GJC1: variants seen among roughly 807,000 people sequenced by gnomAD.
GJC1 encodes the protein gap junction gamma-1 protein.
GJC1 carries 5 observed loss-of-function variants against 29.3 expected under a neutral mutation model. That is an observed-to-expected ratio of 0.17 (90% CI 0.09 to 0.36). The LOEUF (loss-of-function observed/expected upper bound fraction) is 0.36. Among genes scored for constraint, GJC1 ranks in the 10% least tolerant of loss-of-function variants. The pLI is 1.00. For missense variants in GJC1, 310 were observed against 496.2 expected, an observed-to-expected ratio of 0.62 and a Z score of 3.56; for synonymous variants, 177 against 183.3, an observed-to-expected ratio of 0.97 and a Z score of 0.28.
chr17:44,809,138 G>A (rs2049945251), intron 1 of GJC1, among the ~76,000 whole-genome samples: 1 of 152,144 alleles, frequency 6.6e-6, no homozygotes, highest in African/African-American at 2.4e-5. Flanking sequence ...GCTCACACCT[G>A]TAATCTCAGC....
rs746499120 is a variant in GJC1 at position 44,805,615 on chromosome 17, A to C, written c.203T>G (p.Phe68Cys). Residue 68 changes from phenylalanine (F) to cysteine (C), a missense_variant, in exon 3 of 3, where the codon TTT becomes TGT. Physicochemically the swap from Phe to Cys is radical, Grantham distance 205. Around this residue, in one of 4 missense-constraint regions of GJC1, gnomAD observed 37 missense variants for 104.2 expected, o/e 0.35. Transcript: ENST00000592524. This position sits in a 1 kb window ranked among gnomAD's most constrained non-coding sequence, Gnocchi z 5.1. ...GAAGCGTACATGGGAGAGAGGTGCAAACGCATCATAACAGACATTCTCACA... is the reference window on the plus strand; with the variant it reads ...GAAGCGTACATGGGAGAGAGGTGCACACGCATCATAACAGACATTCTCACA... ...PGCENVCYDA[F>C]APLSHVRFWV... The C allele has an allele frequency of 6.2e-7, 1 of 1,614,200 alleles. No individual in the cohort carries two copies.
chr17:44,830,131 T>A lies in GJC1; in HGVS notation c.-166A>T, dbSNP rs951313827. On this transcript the variant is annotated 5_prime_UTR_variant, in exon 1 of 3. An upstream start codon of the reference 5' UTR is lost. Coordinates refer to ENST00000592524, the MANE Select transcript of GJC1 (RefSeq NM_005497.4). The surrounding 1 kb of genome is among the most constrained non-coding windows in gnomAD (Gnocchi z 4.3). ...GCCCGTCCCGCCGGTCGCGGCCTCA[T>A]GTGCCCCGCGTCGCCATCGCCTTCA... is the stretch of plus-strand genomic sequence containing the variant. 1 of 153,234 alleles carries A rather than the reference T, an allele frequency of 6.5e-6. No individual in the cohort carries two copies. The highest frequency in any genetic ancestry group is 6.6e-5 in the Admixed American group (1 of 15,262). The allele number at this position is 153,234 out of a possible 1,614,324, so 9.5% of individuals were successfully genotyped here. A position where few individuals can be genotyped will look rare whatever the true frequency, so the allele number is the denominator to read the frequency against.
intron 1 of GJC1, among the ~76,000 whole-genome samples, chr17:44,828,095 G>C (rs2050195386): frequency 6.6e-6 from 1 of 152,196 alleles, no homozygotes; most frequent in South Asian, 2.1e-4. Flanking sequence ...CTGGGGGGAA[G>C]TGGACTAATC....
chr17:44,823,637 A>T (rs185803262), intron 1 of GJC1, among the ~76,000 whole-genome samples: 1 of 151,612 alleles, frequency 6.6e-6, no homozygotes, highest in African/African-American at 2.4e-5. Context: ...TCCTGGACTC[A>T]AGCAATCCTC....
At chr17:44,811,773 A>G (rs911465837) in intron 1 of GJC1, among the ~76,000 whole-genome samples, 6 of 151,356 alleles carry the variant, frequency 4.0e-5, no homozygotes, top group Non-Finnish European at 8.8e-5. Context: ...GGAGGCTGAG[A>G]CAAGTGGATC....
downstream of GJC1, among the ~76,000 whole-genome samples, chr17:44,797,957 G>A (rs534171805): frequency 9.9e-5 from 15 of 152,210 alleles, no homozygotes; most frequent in Non-Finnish European, 1.5e-4. Flanking sequence ...GGGCATTGCT[G>A]CTCCCTTCTC....
intron 1 of GJC1, among the ~76,000 whole-genome samples, chr17:44,826,961 G>A (rs772219853): frequency 3.9e-5 from 6 of 152,112 alleles, no homozygotes; most frequent in Admixed American, 2.6e-4. Context: ...TCAGGTTAAC[G>A]ATATCAGCCA....
chr17:44,812,001 A>AAAAAAAC (rs1280943663), intron 1 of GJC1, among the ~76,000 whole-genome samples: 3 of 150,576 alleles, frequency 2.0e-5, no homozygotes, highest in South Asian at 2.1e-4. Flanking sequence ...ACTCTAAAAA[A>AAAAAAAC]AAAAAACAAA....
At chr17:44,825,188 CAAAAAA>C (rs1162077867) in intron 1 of GJC1, among the ~76,000 whole-genome samples, 16 of 45,986 alleles carry the variant, frequency 3.5e-4, no homozygotes, top group African/African-American at 1.4e-3. Flanking sequence ...GTCTCAATTA[CAAAAAA>C]AAAAAAAAAA....
Position 44,802,099 on chromosome 17 carries a change from T to C in GJC1, c.*2528A>G, listed in dbSNP as rs1171389829. 6.6e-6 allele frequency: 1 copy of C among 152,174 alleles called. No individual in the cohort carries two copies. The highest frequency in any genetic ancestry group is 1.9e-4 in the East Asian group (1 of 5,202). 9.4% of individuals were successfully genotyped at this position (152,174 alleles called of 1,614,324 possible). On this transcript the variant is annotated 3_prime_UTR_variant, in exon 3 of 3. Coordinates refer to ENST00000592524, the MANE Select transcript of GJC1 (RefSeq NM_005497.4). ...CATGTGGGGAGGTGACAGAATATCT[T>C]TATATGTACTTTAAGAAGCTGACGC...
At chr17:44,822,721 A>C (rs1219733160) in intron 1 of GJC1, among the ~76,000 whole-genome samples, 1 of 151,680 alleles carries the variant, frequency 6.6e-6, no homozygotes. Context: ...GAGTACACTG[A>C]AGAAAGTCTA....
chr17:44,795,423 G>A (rs946117967), downstream of GJC1, among the ~76,000 whole-genome samples: 1 of 152,104 alleles, frequency 6.6e-6, no homozygotes, highest in African/African-American at 2.4e-5. Flanking sequence ...TAGTAGAGAC[G>A]GGGTTTCACC....
chr17:44,798,705 T>A lies in GJC1; in HGVS notation c.*5922A>T, dbSNP rs1336720817. On this transcript the variant is annotated 3_prime_UTR_variant, in exon 3 of 3. Coordinates refer to ENST00000592524, the MANE Select transcript of GJC1 (RefSeq NM_005497.4). ...ATCTTAAAAGGCTGGAAGTCCTAGC[T>A]AAGTTTTCAATATCAATATGCTACC... 6.6e-6 allele frequency: 1 copy of A among 152,234 alleles called. No individual in the cohort carries two copies. Among genetic ancestry groups the A allele is most frequent in the African/African-American group, 2.4e-5 (1 of 41,464 alleles). The allele number at this position is 152,234 out of a possible 1,614,324, so 9.4% of individuals were successfully genotyped here.
downstream of GJC1, among the ~76,000 whole-genome samples, chr17:44,797,269 C>A (rs2145275180): frequency 6.6e-6 from 1 of 152,096 alleles, no homozygotes; most frequent in East Asian, 1.9e-4. Context: ...CCATGGCCGG[C>A]TAATTTTTTT....
intron 1 of GJC1, among the ~76,000 whole-genome samples, chr17:44,821,006 G>A (rs1284126406): frequency 2.0e-5 from 3 of 152,130 alleles, no homozygotes; most frequent in East Asian, 1.9e-4. Flanking sequence ...AATTTGTGGC[G>A]AATCAAATTA....
rs1044301597 is a variant in GJC1, at chr17:44,799,982, G to C, written c.*4645C>G. 6.6e-6 allele frequency: 1 copy of C among 152,194 alleles called. No individual in the cohort carries two copies. The highest frequency in any genetic ancestry group is 1.5e-5 in the Non-Finnish European group (1 of 68,032). 9.4% of individuals were successfully genotyped at this position (152,194 alleles called of 1,614,324 possible). On this transcript the variant is annotated 3_prime_UTR_variant, in exon 3 of 3. Transcript: ENST00000592524. ...AAATACAAATCTTTAAACACTTCATGATGTGGCCGGAATGAGTACAAGTAT... is the reference window on the plus strand; with the variant it reads ...AAATACAAATCTTTAAACACTTCATCATGTGGCCGGAATGAGTACAAGTAT...
In GJC1 at chr17:44,804,563, C is replaced by A; in HGVS notation, c.*64G>T. 8.1e-7 allele frequency: 1 copy of A among 1,229,428 alleles called. No homozygotes were observed. The highest frequency in any genetic ancestry group is 1.4e-5 in the South Asian group (1 of 72,054). The allele number at this position is 1,229,428 out of a possible 1,614,324, so 76.2% of individuals were successfully genotyped here. On this transcript the variant is annotated 3_prime_UTR_variant, in exon 3 of 3. Transcript: ENST00000592524. ...AGCCAAATGTTTACTCAATGGAAGT[C>A]ATTATTCAGTGAGCTGCTGCTTACC...
chr17:44,811,031 A>C (rs1488884802), intron 1 of GJC1, among the ~76,000 whole-genome samples: 1 of 151,938 alleles, frequency 6.6e-6, no homozygotes, highest in Admixed American at 6.6e-5. Flanking sequence ...AGCCTCCCAA[A>C]GTGTTGGGAT....
intron 1 of GJC1, among the ~76,000 whole-genome samples, chr17:44,822,584 A>G (rs1158477531): frequency 1.4e-5 from 2 of 141,438 alleles, no homozygotes; most frequent in Non-Finnish European, 3.0e-5. Flanking sequence ...CAGAGGTTGC[A>G]GTGAACCAAG....
Sources: gnomAD v4.1 joint callset for allele counts (sites outside exome capture counted in the v4.1 genomes callset) on GRCh38, gnomAD v4.1.1 for gene constraint, gnomAD v4.1.1 regional missense constraint, Gnocchi (gnomAD v3.1) non-coding constraint, MANE v1.5 for transcripts, NCBI Gene and HGNC (gene_info 2026-07-23, HGNC 2026-07-21) for gene names.